Variants in ZNF595 observed in about 807,000 individuals in gnomAD.
ZNF595 encodes the protein zinc finger protein 595.
In ZNF595, 9 loss-of-function variants were observed where a neutral mutation model predicts 19.4. The observed-to-expected ratio is 0.46, with a 90% CI of 0.28 to 0.81. ZNF595 has a LOEUF of 0.81. Ranked by LOEUF, ZNF595 falls within the 30% of genes least tolerant of loss-of-function variation. The pLI, the probability that ZNF595 is intolerant of heterozygous loss-of-function variation, is 0.11. For missense variants in ZNF595, 729 were observed against 736.0 expected (o/e 0.99, Z 0.11); for synonymous variants, 255 against 255.9 (o/e 1.00, Z 0.03).
intron 3 of ZNF595, among the ~76,000 whole-genome samples, chr4:74,829 A>G (rs2108756659): frequency 6.6e-6 from 1 of 152,260 alleles, no homozygotes; most frequent in Admixed American, 6.5e-5. Flanking sequence ...GACTGAATAG[A>G]ATGGGAGGCA....
rs202205324 is a variant in ZNF595, at chr4:79,675, GT to G, written c.227-6042del. 2.4e-3 allele frequency among the ~76,000 whole-genome samples: 303 copies of G among 127,494 alleles called. 1 individual carries two copies. Among genetic ancestry groups the G allele is most frequent in the African/African-American group, 6.6e-3 (230 of 34,854 alleles). 83.6% of individuals were successfully genotyped at this position (127,494 alleles called of 152,430 possible). Reference sequence around the variant, plus strand: ...GTAGTGCAGTATCTCCAGCTTTGTTGTTTTTTTTTTTTTTCTTTTCTTTTGC... The same window carrying G: ...GTAGTGCAGTATCTCCAGCTTTGTTGTTTTTTTTTTTTTCTTTTCTTTTGC... On this transcript the variant is annotated intron_variant, in intron 3 of 3. Transcript: ENST00000610261.
At chr4:66,403 C>T (rs1581331929) in intron 3 of ZNF595, among the ~76,000 whole-genome samples, 1 of 151,084 alleles carries the variant, frequency 6.6e-6, no homozygotes, top group East Asian at 2.0e-4. Context: ...TTTTCTGCTG[C>T]TTAGGTGGGA....
chr4:76,784 C>T (rs1376534070), intron 3 of ZNF595, among the ~76,000 whole-genome samples: 1 of 152,162 alleles, frequency 6.6e-6, no homozygotes, highest in Non-Finnish European at 1.5e-5. Flanking sequence ...TCACTCCTAT[C>T]TGGCTTGCAT....
chr4:68,526 A>G (rs1713290712), intron 3 of ZNF595: 1 of 152,272 alleles, frequency 6.6e-6, no homozygotes, highest in South Asian at 2.1e-4. Flanking sequence ...CAATGTGATC[A>G]GCGTGGTGTT....
intron 1 of ZNF595, among the ~76,000 whole-genome samples, chr4:55,916 TACTGTG>T: frequency 8.3e-6 from 1 of 120,410 alleles, no homozygotes; most frequent in Non-Finnish European, 1.8e-5. Flanking sequence ...GCAGTTCTGT[TACTGTG>T]GAGACTTTTT....
At chr4:78,511 T>TC (rs1553799195) in intron 3 of ZNF595, among the ~76,000 whole-genome samples, 4 of 152,230 alleles carry the variant, frequency 2.6e-5, no homozygotes, top group Non-Finnish European at 5.9e-5. Context: ...GTTCGTAAAT[T>TC]ATTTATTCAC....
chr4:86,401 G>A lies in ZNF595; in HGVS notation c.897G>A (p.Leu299=), dbSNP rs1553801509. ...AAGCCTTTAGATGGTCCACAAGCCT[G>A]AATGAACATAAGAATATTCATACTG... ...CGKAFRWSTS[L]NEHKNIHTGE... The change falls in exon 4 of 4, where the codon CTG becomes CTA. Residue 299 remains leucine (L), a synonymous_variant. Coordinates refer to ENST00000610261, the MANE Select transcript of ZNF595 (RefSeq NM_182524.4). The A allele has an allele frequency of 1.2e-6, 2 of 1,612,092 alleles. No individual in the cohort carries two copies. Among genetic ancestry groups the A allele is most frequent in the East Asian group, 2.2e-5 (1 of 44,688 alleles).
intron 3 of ZNF595, among the ~76,000 whole-genome samples, chr4:80,244 C>G (rs565813220): frequency 6.6e-6 from 1 of 152,180 alleles, no homozygotes; most frequent in South Asian, 2.1e-4. Flanking sequence ...GTCTCAAACT[C>G]CTGACCTCAG....
chr4:57,201 C>CAATA (rs1712653397), intron 1 of ZNF595, among the ~76,000 whole-genome samples: 1 of 151,498 alleles, frequency 6.6e-6, no homozygotes, highest in African/African-American at 2.4e-5. Context: ...GGTGTGAACA[C>CAATA]AATACTGTGG....
chr4:85,987 C>T lies in ZNF595; in HGVS notation c.483C>T (p.Asn161=). ...VKVFSKFSNS[N]KHKIRHTGEK... ...TTTTTAGTAAATTTTCAAATTCAAA[C>T]AAACATAAGATAAGACATACTGGAG... is the stretch of plus-strand genomic sequence containing the variant. Residue 161 remains asparagine, a synonymous_variant, in exon 4 of 4, where the codon AAC becomes AAT. Coordinates refer to ENST00000610261, the MANE Select transcript of ZNF595 (RefSeq NM_182524.4). 6.2e-7 allele frequency: 1 copy of T among 1,607,520 alleles called. No homozygotes were observed. Among genetic ancestry groups the T allele is most frequent in the East Asian group, 2.2e-5 (1 of 44,682 alleles).
At chr4:68,417 A>T (rs1484202871) in intron 3 of ZNF595, 4 of 152,274 alleles carry the variant, frequency 2.6e-5, no homozygotes, top group Non-Finnish European at 5.9e-5. Context: ...TGCGCTGGGC[A>T]TATCTAATAA....
chr4:69,539 T>G (rs1411271485), intron 3 of ZNF595, among the ~76,000 whole-genome samples: 1 of 152,208 alleles, frequency 6.6e-6, no homozygotes, highest in Non-Finnish European at 1.5e-5. Context: ...TTGTATGCCC[T>G]TTTTTGAGAA....
At chr4:75,801 G>A (rs1553798605) in intron 3 of ZNF595, among the ~76,000 whole-genome samples, 1 of 148,828 alleles carries the variant, frequency 6.7e-6, no homozygotes, top group Non-Finnish European at 1.5e-5. Flanking sequence ...ATTTTTGGGG[G>A]GTTTTTTGGT....
intron 3 of ZNF595, among the ~76,000 whole-genome samples, chr4:74,169 G>C (rs1438189022): frequency 6.6e-6 from 1 of 151,648 alleles, no homozygotes; most frequent in African/African-American, 2.4e-5. Flanking sequence ...AATTAGCTTG[G>C]CAAGGTGGTG....
At chr4:53,857 AG>A (rs1168706277) in intron 1 of ZNF595, among the ~76,000 whole-genome samples, 2 of 59,348 alleles carry the variant, frequency 3.4e-5, no homozygotes, top group Non-Finnish European at 6.2e-5. Context: ...ATCGAAACAA[AG>A]TTCATGTGAG....
chr4:69,800 T>G (rs1713351576), intron 3 of ZNF595, among the ~76,000 whole-genome samples: 1 of 152,236 alleles, frequency 6.6e-6, no homozygotes, highest in Non-Finnish European at 1.5e-5. Context: ...CATCTTTGCT[T>G]TGGCTCCCTG....
chr4:72,343 T>C (rs1713466044), intron 3 of ZNF595, among the ~76,000 whole-genome samples: 1 of 152,200 alleles, frequency 6.6e-6, no homozygotes, highest in Non-Finnish European at 1.5e-5. Context: ...CAGGGCTTAG[T>C]TATAAAAATA....
rs1208086427 is a variant in ZNF595, at chr4:85,860, G to A, written c.356G>A (p.Arg119His). 1.1e-5 allele frequency: 18 copies of A among 1,613,904 alleles called. No homozygotes were observed. The highest frequency in any genetic ancestry group is 1.6e-4 in the Middle Eastern group (1 of 6,082). The change falls in exon 4 of 4, where the codon CGT becomes CAT. Residue 119 changes from arginine to histidine, a missense_variant. Physicochemically the swap from Arg to His is conservative, Grantham distance 29 (BLOSUM62 0). Transcript: ENST00000610261. ...ENLQLRKGCK[R>H]VNECKVQKGV... is the part of the protein sequence containing the mutation. The stretch of plus-strand genomic sequence containing the variant: ...TTACAATTAAGAAAAGGCTGTAAAC[G>A]TGTGAATGAGTGTAAGGTGCAGAAA...
intron 3 of ZNF595, among the ~76,000 whole-genome samples, chr4:84,087 G>A (rs1344125113): frequency 2.6e-5 from 4 of 152,016 alleles, no homozygotes; most frequent in Non-Finnish European, 5.9e-5. Flanking sequence ...AGTTGCGTTT[G>A]AAAATTCTTC....
Sources: allele counts gnomAD v4.1 joint callset (sites outside exome capture counted in the v4.1 genomes callset), GRCh38; gene constraint gnomAD v4.1.1; transcripts MANE v1.5; gene names NCBI Gene and HGNC (gene_info 2026-07-23, HGNC 2026-07-21).